Variants in ZMIZ1 observed in about 807,000 individuals in gnomAD.
ZMIZ1 encodes zinc finger MIZ domain-containing protein 1.
A neutral mutation model predicts 113.9 loss-of-function variants in ZMIZ1; 17 were observed. The observed-to-expected ratio is 0.15, with a 90% CI of 0.10 to 0.22. The LOEUF is 0.22. Ranked by LOEUF, ZMIZ1 falls within the 10% of genes least tolerant of loss-of-function variation. The pLI is 1.00. For synonymous variants in ZMIZ1, 607 were observed against 603.1 expected, an observed-to-expected ratio of 1.01 and a Z score of -0.09; for missense variants, 1,059 against 1,477.8, an observed-to-expected ratio of 0.72 and a Z score of 4.65.
chr10:79,162,084 G>A lies in ZMIZ1; in HGVS notation c.-99G>A, dbSNP rs1253608998. The A allele has an allele frequency of 5.0e-6, 2 of 399,226 alleles. No individual in the cohort carries two copies. Among genetic ancestry groups the A allele is most frequent in the Non-Finnish European group, 8.8e-6 (2 of 226,280 alleles). The allele number at this position is 399,226 out of a possible 1,614,324, so 24.7% of individuals were successfully genotyped here. A position where few individuals can be genotyped will look rare whatever the true frequency, so the allele number is the denominator to read the frequency against. ...GGAGCTGGAGTGAGGTGGAGGGGCC[G>A]CAAGCTGCTGACCGGCGTGTGGAAC... On this transcript the variant is annotated 5_prime_UTR_variant, in exon 4 of 25. Coordinates refer to ENST00000334512, the MANE Select transcript of ZMIZ1 (RefSeq NM_020338.4).
chr10:79,144,922 G>A (rs952164498), intron 3 of ZMIZ1, among the ~76,000 whole-genome samples: 5 of 151,646 alleles, frequency 3.3e-5, no homozygotes, highest in East Asian at 2.0e-4. Context: ...GTCTGTCTCC[G>A]TGGCTCCTGG....
intron 1 of ZMIZ1, among the ~76,000 whole-genome samples, chr10:79,071,837 T>G (rs1842295120): frequency 6.6e-6 from 1 of 152,072 alleles, no homozygotes; most frequent in African/African-American, 2.4e-5. Flanking sequence ...CTTTATGATT[T>G]TCGGTTGGGT....
chr10:79,114,144 G>A (rs564061623), intron 1 of ZMIZ1, among the ~76,000 whole-genome samples: 226 of 152,310 alleles, frequency 1.5e-3, no homozygotes, highest in Middle Eastern at 6.8e-3. Context: ...TTCCCTGCCC[G>A]GCAGGAGCTG....
intron 1 of ZMIZ1, among the ~76,000 whole-genome samples, chr10:79,109,116 A>G (rs867331661): frequency 2.6e-5 from 4 of 152,134 alleles, no homozygotes; most frequent in Middle Eastern, 3.4e-3. Context: ...GCAGGCATCC[A>G]TGTGCCTATG....
chr10:79,119,206 G>A (rs963817380), intron 2 of ZMIZ1, among the ~76,000 whole-genome samples, 182 bp downstream of exon 2: 18 of 152,202 alleles, frequency 1.2e-4, no homozygotes, highest in African/African-American at 4.1e-4. Context: ...AAGCCACACA[G>A]TGGAGGGTGG....
intron 3 of ZMIZ1, among the ~76,000 whole-genome samples, chr10:79,144,495 C>T (rs1344527521): frequency 6.6e-6 from 1 of 152,164 alleles, no homozygotes; most frequent in Non-Finnish European, 1.5e-5. Flanking sequence ...ACCAGAAGCT[C>T]ACCTGGCCTG....
intron 2 of ZMIZ1, among the ~76,000 whole-genome samples, chr10:79,120,446 A>T (rs1047226195): frequency 1.3e-5 from 2 of 152,232 alleles, no homozygotes; most frequent in African/African-American, 2.4e-5. Flanking sequence ...CTGCATCGGC[A>T]AAAGCTTCCA....
intron 10 of ZMIZ1, among the ~76,000 whole-genome samples, chr10:79,291,654 G>C (rs1261417328): frequency 6.6e-6 from 1 of 152,208 alleles, no homozygotes; most frequent in Non-Finnish European, 1.5e-5. Flanking sequence ...GGACTCCCAG[G>C]ATATGGAGCT....
intron 1 of ZMIZ1, among the ~76,000 whole-genome samples, chr10:79,109,111 C>T (rs1193810376): frequency 2.0e-5 from 3 of 152,180 alleles, no homozygotes; most frequent in Non-Finnish European, 2.9e-5. Context: ...ACTCTGCAGG[C>T]ATCCATGTGC....
At chr10:79,268,258 C>T (rs951470879) in intron 7 of ZMIZ1, among the ~76,000 whole-genome samples, 6 of 152,196 alleles carry the variant, frequency 3.9e-5, no homozygotes, top group Non-Finnish European at 8.8e-5. Context: ...TCCTGTTCCC[C>T]GTGACTGGGG....
chr10:79,262,572 C>G (rs1161942120), intron 7 of ZMIZ1, among the ~76,000 whole-genome samples: 1 of 152,240 alleles, frequency 6.6e-6, no homozygotes, highest in Admixed American at 6.5e-5. Flanking sequence ...TTAAAGAAAC[C>G]TCACAGAGAA....
intron 1 of ZMIZ1, among the ~76,000 whole-genome samples, chr10:79,090,193 C>A (rs942206893): frequency 6.6e-6 from 1 of 152,216 alleles, no homozygotes; most frequent in Non-Finnish European, 1.5e-5. Flanking sequence ...GGAAAACAAT[C>A]CCTGGAGAGG....
At chr10:79,310,812 C>T (rs901905176) in intron 23 of ZMIZ1, 112 bp from the exon 24 acceptor site, 53 of 1,277,100 alleles carry the variant, frequency 4.2e-5, no homozygotes, top group Non-Finnish European at 5.5e-5. Flanking sequence ...CGGGTGGCCA[C>T]GTTTCGGGGG....
intron 7 of ZMIZ1, among the ~76,000 whole-genome samples, chr10:79,266,089 A>G (rs994661203): frequency 2.6e-5 from 4 of 152,240 alleles, no homozygotes; most frequent in Non-Finnish European, 5.9e-5. Context: ...CTTGGAGGCC[A>G]GGGCTGATTC....
intron 4 of ZMIZ1, among the ~76,000 whole-genome samples, chr10:79,163,673 A>G (rs938294847): frequency 6.6e-6 from 1 of 152,262 alleles, no homozygotes; most frequent in Non-Finnish European, 1.5e-5. Flanking sequence ...ACCAGTGCAT[A>G]AGGCCTTAGA....
chr10:79,304,118 C>T lies in ZMIZ1; in HGVS notation c.2229C>T (p.Pro743=), dbSNP rs747167872. 20 of 1,614,068 alleles carry T rather than the reference C, an allele frequency of 1.2e-5. No homozygotes were observed. Among genetic ancestry groups the T allele is most frequent in the Non-Finnish European group, 1.5e-5 (18 of 1,180,032 alleles). Residue 743 remains proline, a synonymous_variant, in exon 19 of 25, where the codon CCC becomes CCT. Transcript: ENST00000334512. ...CCATCAAGGTGTCTCTGAAGTGCCC[C>T]ATCACATTCCGGCGCATCCAGCTGC... ...QTAIKVSLKC[P]ITFRRIQLPA...
intron 4 of ZMIZ1, among the ~76,000 whole-genome samples, chr10:79,173,193 A>C (rs1846678796): frequency 1.3e-5 from 2 of 152,346 alleles, no homozygotes; most frequent in Non-Finnish European, 2.9e-5. Flanking sequence ...AAGCTTGTCC[A>C]ACCCGTGACC....
At chr10:79,199,841 G>C (rs1289992545) in intron 4 of ZMIZ1, among the ~76,000 whole-genome samples, 2 of 152,230 alleles carry the variant, frequency 1.3e-5, no homozygotes, top group African/African-American at 2.4e-5. Context: ...ATTGCACCAA[G>C]AGCTACACAT....
At chr10:79,143,853 C>T (rs185842883) in intron 3 of ZMIZ1, among the ~76,000 whole-genome samples, 2 of 152,146 alleles carry the variant, frequency 1.3e-5, no homozygotes, top group Middle Eastern at 3.2e-3. Flanking sequence ...CAGTCCAGCC[C>T]GTCTGCAGAG....
Sources: gnomAD v4.1 joint callset for allele counts (sites outside exome capture counted in the v4.1 genomes callset) on GRCh38, gnomAD v4.1.1 for gene constraint, MANE v1.5 for transcripts, NCBI Gene and HGNC (gene_info 2026-07-23, HGNC 2026-07-21) for gene names.